The following PRDM12 variants were observed in gnomAD, a reference collection of about 807,000 sequenced individuals.
PRDM12 encodes the protein PR domain zinc finger protein 12.
A neutral mutation model predicts 29.6 loss-of-function variants in PRDM12; 17 were observed. That is an observed-to-expected ratio of 0.57 (90% CI 0.39 to 0.86). The LOEUF is 0.86. Ranked by LOEUF, PRDM12 falls within the 40% of genes least tolerant of loss-of-function variation. PRDM12 has a pLI of 0.00. For missense variants in PRDM12, 422 were observed against 510.8 expected, an observed-to-expected ratio of 0.83 and a Z score of 1.68; for synonymous variants, 231 against 225.8, an observed-to-expected ratio of 1.02 and a Z score of -0.21.
At chr9:130,669,742 G>T (rs568385770) in intron 3 of PRDM12, among the ~76,000 whole-genome samples, 1 of 150,212 alleles carries the variant, frequency 6.7e-6, no homozygotes, top group African/African-American at 2.5e-5. Flanking sequence ...CGTGAACCCG[G>T]GAGGCGGAGC....
Position 130,681,590 on chromosome 9 carries a change from C to T in PRDM12, c.1025C>T (p.Ala342Val), listed in dbSNP as rs1217704808. ...AHSPALPAPHAHAPALAAAAA... is the reference protein window; with the variant it reads ...AHSPALPAPHVHAPALAAAAA... The stretch of plus-strand genomic sequence containing the variant: ...TCGCCCGCGCTGCCCGCCCCGCACG[C>T]GCACGCGCCCGCGCTCGCCGCCGCC... The change falls in exon 5 of 5, where the codon GCG (alanine) becomes GTG (valine). Residue 342 changes from alanine to valine, a missense_variant. Ala to Val is a moderately conservative substitution (Grantham distance 64, BLOSUM62 0). Coordinates refer to ENST00000253008, the MANE Select transcript of PRDM12 (RefSeq NM_021619.3). This position sits in a 1 kb window ranked among gnomAD's most constrained non-coding sequence, Gnocchi z 8.1. 4.6e-6 allele frequency: 5 copies of T among 1,075,612 alleles called. No homozygotes were observed. Among genetic ancestry groups the T allele is most frequent in the African/African-American group, 1.7e-5 (1 of 58,382 alleles). The allele number at this position is 1,075,612 out of a possible 1,614,324, so 66.6% of individuals were successfully genotyped here. A position where few individuals can be genotyped will look rare whatever the true frequency, so the allele number is the denominator to read the frequency against.
rs1038845047 is a variant in PRDM12 at position 130,681,027 on chromosome 9, C to T, written c.683-221C>T. 6.8e-5 allele frequency among the ~76,000 whole-genome samples: 10 copies of T among 146,350 alleles called. No homozygotes were observed. Among genetic ancestry groups the T allele is most frequent in the African/African-American group, 2.7e-4 (10 of 37,710 alleles). On this transcript the variant is annotated intron_variant, in intron 4 of 4. Transcript: ENST00000253008. This position sits in a 1 kb window ranked among gnomAD's most constrained non-coding sequence, Gnocchi z 8.1. ...TCGCTAAGTCCCCGAGGTCTCGCATCGCGATCGGGAGTCCAACTCCCTATT... is the reference window on the plus strand; with the variant it reads ...TCGCTAAGTCCCCGAGGTCTCGCATTGCGATCGGGAGTCCAACTCCCTATT...
intron 4 of PRDM12, among the ~76,000 whole-genome samples, chr9:130,679,173 C>T (rs1204313244): frequency 6.6e-6 from 1 of 152,156 alleles, no homozygotes; most frequent in African/African-American, 2.4e-5. Flanking sequence ...ACAGACTGTG[C>T]CTGTGTGTGT....
chr9:130,679,639 A>T (rs1223558678), intron 4 of PRDM12, among the ~76,000 whole-genome samples: 1 of 150,996 alleles, frequency 6.6e-6, no homozygotes, highest in Non-Finnish European at 1.5e-5. Context: ...GGCCTGTGAA[A>T]TTTGGTTATC....
chr9:130,672,622 C>T (rs961206876), intron 3 of PRDM12, among the ~76,000 whole-genome samples: 1 of 152,222 alleles, frequency 6.6e-6, no homozygotes, highest in Non-Finnish European at 1.5e-5. Flanking sequence ...GGAACCTAGG[C>T]CCATCTGAGC....
At chr9:130,680,623 TAAA>T (rs753422507) in intron 4 of PRDM12, among the ~76,000 whole-genome samples, 967 of 78,948 alleles carry the variant, frequency 0.012, 20 homozygotes, top group Middle Eastern at 0.031. Context: ...AGACTCCGTC[TAAA>T]AAAAAAAAAT....
chr9:130,666,144 T>C (rs1830731208), intron 1 of PRDM12, among the ~76,000 whole-genome samples: 1 of 152,152 alleles, frequency 6.6e-6, no homozygotes, highest in South Asian at 2.1e-4. Context: ...CCTCTGCCAG[T>C]GCCCAGAGCC....
At chr9:130,674,106 C>A (rs1830814474) in intron 3 of PRDM12, among the ~76,000 whole-genome samples, 1 of 147,054 alleles carries the variant, frequency 6.8e-6, no homozygotes, top group South Asian at 2.2e-4. Flanking sequence ...CCTCTGCCTC[C>A]CAGGTTCAAG....
chr9:130,665,245 C>G (rs1330058118), intron 1 of PRDM12, among the ~76,000 whole-genome samples: 1 of 146,004 alleles, frequency 6.8e-6, no homozygotes. Flanking sequence ...ATTTAGTTAA[C>G]TTGGGCTTGA....
intron 1 of PRDM12, among the ~76,000 whole-genome samples, chr9:130,666,001 G>A (rs1458580410): frequency 6.6e-6 from 1 of 152,222 alleles, no homozygotes; most frequent in Non-Finnish European, 1.5e-5. Flanking sequence ...GGGCCTGGGA[G>A]CAGAGAGGGA....
Position 130,681,720 on chromosome 9 carries a change from C to T in PRDM12, c.*51C>T, listed in dbSNP as rs552452820. The stretch of plus-strand genomic sequence containing the variant: ...CGCGCGCTCCTGGGTCCCCGGCACC[C>T]CGGCCCCGCAGCGCGACTCGCCCTC... On this transcript the variant is annotated 3_prime_UTR_variant, in exon 5 of 5. Transcript: ENST00000253008. This position sits in a 1 kb window ranked among gnomAD's most constrained non-coding sequence, Gnocchi z 8.1. 1.3e-3 allele frequency: 1,236 copies of T among 979,934 alleles called. 14 individuals are homozygous for T. In the African/African-American group the frequency reaches 0.02, roughly 16 times the overall value. The allele number at this position is 979,934 out of a possible 1,614,324, so 60.7% of individuals were successfully genotyped here.
chr9:130,678,532 A>C lies in PRDM12; in HGVS notation c.574A>C (p.Ile192Leu). 6.2e-7 allele frequency: 1 copy of C among 1,610,746 alleles called. No homozygotes were observed. Among genetic ancestry groups the C allele is most frequent in the Non-Finnish European group, 8.5e-7 (1 of 1,177,790 alleles). Reference sequence around the variant, plus strand: ...CCTCTTGCCTTCTTCCCTGCAGATGATCCCACCTGACCAGGAACTGCTGGT... The same window carrying C: ...CCTCTTGCCTTCTTCCCTGCAGATGCTCCCACCTGACCAGGAACTGCTGGT... ...TSIFYKAIEM[I>L]PPDQELLVWY... The change falls in exon 4 of 5, where the codon ATC (isoleucine) becomes CTC (leucine). Residue 192 changes from isoleucine to leucine, a missense_variant. By Grantham distance (5) the Ile-to-Leu change is conservative (BLOSUM62 2). Transcript: ENST00000253008.
At chr9:130,679,576 GC>G (rs1380717405) in intron 4 of PRDM12, among the ~76,000 whole-genome samples, 3 of 152,050 alleles carry the variant, frequency 2.0e-5, no homozygotes, top group Admixed American at 2.0e-4. Context: ...CAAGCGATCT[GC>G]CCACTTTGGC....
chr9:130,666,466 C>T, intron 1 of PRDM12, 142 bp from the exon 2 acceptor site: 1 of 1,076,848 alleles, frequency 9.3e-7, no homozygotes, highest in Non-Finnish European at 1.3e-6. Context: ...TTCCTCCACA[C>T]CCGGGTGGCT....
chr9:130,666,950 G>C (rs973619329), intron 2 of PRDM12, 152 bp downstream of exon 2: 5 of 1,105,732 alleles, frequency 4.5e-6, no homozygotes, highest in Non-Finnish European at 6.1e-6. Flanking sequence ...ACTCTAAGCC[G>C]CCCGAGCCTG....
chr9:130,680,636 T>A (rs28602785), intron 4 of PRDM12, among the ~76,000 whole-genome samples: 26,473 of 81,586 alleles, frequency 0.32, 4,075 homozygotes, highest in Non-Finnish European at 0.39. Context: ...AAAAAAAAAA[T>A]ATATATATAT....
chr9:130,674,514 G>A (rs1830818495), intron 3 of PRDM12, among the ~76,000 whole-genome samples: 1 of 151,660 alleles, frequency 6.6e-6, no homozygotes, highest in Non-Finnish European at 1.5e-5. Flanking sequence ...GTGTGTGTGT[G>A]TGTGTGTGTG....
intron 3 of PRDM12, among the ~76,000 whole-genome samples, chr9:130,675,575 G>A (rs186136817): frequency 3.3e-5 from 5 of 152,190 alleles, no homozygotes; most frequent in East Asian, 3.8e-4. Flanking sequence ...AGAGGTTGGC[G>A]AGCTCCAGGA....
chr9:130,668,166 T>C lies in PRDM12; in HGVS notation c.423T>C (p.Asn141=), dbSNP rs1390184074. The C allele has an allele frequency of 6.2e-7, 1 of 1,613,968 alleles. No homozygotes were observed. The highest frequency in any genetic ancestry group is 8.5e-7 in the Non-Finnish European group (1 of 1,180,008). ...GATCCATCTGTGCCCAGGTGTTCAA[T>C]GAGGATGGCACGGTGCGCTACTTCA... is the stretch of plus-strand genomic sequence containing the variant. ...KNNNLMWEVF[N]EDGTVRYFID... is the part of the protein sequence containing the mutation. Residue 141 remains asparagine, a synonymous_variant, in exon 3 of 5, where the codon AAT becomes AAC. Transcript: ENST00000253008. This position sits in a 1 kb window ranked among gnomAD's most constrained non-coding sequence, Gnocchi z 4.0.
Sources: gnomAD v4.1 joint callset for allele counts (sites outside exome capture counted in the v4.1 genomes callset) on GRCh38, gnomAD v4.1.1 for gene constraint, Gnocchi (gnomAD v3.1) non-coding constraint, MANE v1.5 for transcripts, NCBI Gene and HGNC (gene_info 2026-07-23, HGNC 2026-07-21) for gene names.